GLI3: variants seen among roughly 807,000 people sequenced by gnomAD.
GLI3 encodes GLI family zinc finger 3.
GLI3 carries 20 observed loss-of-function variants against 100.8 expected under a neutral mutation model. The observed-to-expected ratio is 0.20, with a 90% confidence interval of 0.14 to 0.29. The LOEUF (loss-of-function observed/expected upper bound fraction) is 0.29. GLI3 is among the 10% of genes least tolerant of loss of function. The probability of loss-of-function intolerance (pLI) is 1.00; values close to 1 mark genes in which losing one functional copy is unlikely to be tolerated. For missense variants in GLI3, 2,040 were observed against 2,128.5 expected (o/e 0.96, Z 0.82); for synonymous variants, 938 against 860.5 (o/e 1.09, Z -1.58).
At chr7:42,027,257 C>T (rs986040508) in intron 7 of GLI3, among the ~76,000 whole-genome samples, 18 of 152,110 alleles carry the variant, frequency 1.2e-4, no homozygotes, top group African/African-American at 4.3e-4. Flanking sequence ...GAATCAAATC[C>T]TCTTAAAAGA....
intron 7 of GLI3, among the ~76,000 whole-genome samples, chr7:42,037,902 G>A (rs1288175890): frequency 6.6e-6 from 1 of 152,134 alleles, no homozygotes; most frequent in Non-Finnish European, 1.5e-5. Flanking sequence ...GCTGGGGTAG[G>A]AATAAATAAA....
Position 42,226,628 on chromosome 7 carries a change from T to A in GLI3, c.-42-3333A>T, listed in dbSNP as rs138213414. Among the ~76,000 whole-genome samples, 865 of 152,356 alleles carry A rather than the reference T, an allele frequency of 5.7e-3. 7 individuals carry two copies. The highest frequency in any genetic ancestry group is 7.1e-3 in the Non-Finnish European group (484 of 68,032). ...TCTATTTTGACAACTTATTTTTGGA[T>A]CTCATTAGTTAGTACCTAATTATTT... On this transcript the variant is annotated intron_variant, in intron 1 of 14. Coordinates refer to ENST00000395925, the MANE Select transcript of GLI3 (RefSeq NM_000168.6).
intron 4 of GLI3, among the ~76,000 whole-genome samples, chr7:42,061,299 G>T (rs1583521323): frequency 1.3e-5 from 2 of 152,220 alleles, no homozygotes; most frequent in Middle Eastern, 3.4e-3. Context: ...ATCAACAGTA[G>T]TCTCATCTTC....
upstream of GLI3, among the ~76,000 whole-genome samples, chr7:42,237,584 C>G (rs1475838214): frequency 6.6e-6 from 1 of 151,716 alleles, no homozygotes; most frequent in African/African-American, 2.4e-5. Context: ...TCCTCCTCCC[C>G]GCGCTCCTCC....
chr7:42,207,803 G>C (rs112388833), intron 2 of GLI3, among the ~76,000 whole-genome samples: 12 of 152,304 alleles, frequency 7.9e-5, no homozygotes, highest in South Asian at 4.1e-4. Flanking sequence ...TTCCAGGCCA[G>C]CTTCGTGTTT....
chr7:41,965,100 G>A lies in GLI3; in HGVS notation c.3973C>T (p.His1325Tyr). 1 of 1,613,804 alleles carries A rather than the reference G, an allele frequency of 6.2e-7. No homozygotes were observed. The highest frequency in any genetic ancestry group is 8.5e-7 in the Non-Finnish European group (1 of 1,180,030). Reference protein sequence around the residue: ...QDPVGQGYLAHQLLGDSMQHP... With the variant: ...QDPVGQGYLAYQLLGDSMQHP... ...TGCATGCTGTCGCCGAGGAGCTGGT[G>A]AGCCAGGTACCCCTGTCCCACTGGG... Residue 1325 changes from histidine (H) to tyrosine (Y), a missense_variant, in exon 15 of 15, where the codon CAC (histidine) becomes TAC (tyrosine). This residue lies in a region of GLI3 where 1,041 missense variants were observed against 924.0 expected (regional missense o/e 1.13). Transcript: ENST00000395925.
At chr7:42,177,001 C>A (rs1787493065) in intron 2 of GLI3, among the ~76,000 whole-genome samples, 1 of 152,234 alleles carries the variant, frequency 6.6e-6, no homozygotes, top group Non-Finnish European at 1.5e-5. Flanking sequence ...TAAGAAGGGA[C>A]TCTGTTCATT....
intron 2 of GLI3, among the ~76,000 whole-genome samples, chr7:42,161,330 G>C (rs551742433): frequency 1.3e-5 from 2 of 152,304 alleles, no homozygotes; most frequent in East Asian, 3.9e-4. Flanking sequence ...TCATTTTCAT[G>C]TTGTCTACAG....
intron 3 of GLI3, among the ~76,000 whole-genome samples, chr7:42,147,344 G>T (rs1212927631): frequency 6.6e-6 from 1 of 152,146 alleles, no homozygotes; most frequent in Non-Finnish European, 1.5e-5. Flanking sequence ...TGAATGATGT[G>T]GAAAAGGGGA....
intron 2 of GLI3, among the ~76,000 whole-genome samples, chr7:42,219,336 G>A (rs75340976): frequency 0.045 from 6,860 of 151,896 alleles, 195 homozygotes; most frequent in Non-Finnish European, 0.066. Flanking sequence ...GAAACTACGG[G>A]TACACTGTAC....
chr7:42,017,042 C>T (rs916871167), intron 10 of GLI3, among the ~76,000 whole-genome samples: 5 of 152,212 alleles, frequency 3.3e-5, no homozygotes, highest in African/African-American at 1.2e-4. Flanking sequence ...TAGCACCTGC[C>T]AGGGCTCTGC....
At chr7:42,012,512 T>A (rs1356482407) in intron 10 of GLI3, among the ~76,000 whole-genome samples, 1 of 152,198 alleles carries the variant, frequency 6.6e-6, no homozygotes, top group African/African-American at 2.4e-5. Context: ...CAGTAGGACC[T>A]AGACCATTGC....
chr7:42,008,678 A>T (rs1335636215), intron 10 of GLI3, among the ~76,000 whole-genome samples: 2 of 152,216 alleles, frequency 1.3e-5, no homozygotes, highest in Non-Finnish European at 2.9e-5. Flanking sequence ...CCTATACATC[A>T]GTGTATCTTT....
intron 4 of GLI3, among the ~76,000 whole-genome samples, chr7:42,055,770 A>G (rs902518671): frequency 6.6e-6 from 1 of 152,220 alleles, no homozygotes; most frequent in African/African-American, 2.4e-5. Context: ...TAATTGGCAT[A>G]TGCTTTTTAC....
intron 2 of GLI3, among the ~76,000 whole-genome samples, chr7:42,189,571 G>A (rs1787784971): frequency 6.6e-6 from 1 of 152,128 alleles, no homozygotes. Flanking sequence ...AATAAAATAT[G>A]GAAGGTTCAG....
rs748089575 is a variant in GLI3, at chr7:42,023,585, A to G, written c.1380T>C (p.Leu460=). The part of the protein sequence containing the change: ...GQQEQPEGTT[L]VKEEGDKDES... ...CATCTTTGTCCCCTTCCTCCTTGACAAGGGTTGTTCCTTCGGGCTGTTCCT... is the reference window on the plus strand; with the variant it reads ...CATCTTTGTCCCCTTCCTCCTTGACGAGGGTTGTTCCTTCGGGCTGTTCCT... The change falls in exon 10 of 15, where the codon CTT becomes CTC. Residue 460 remains leucine, a synonymous_variant. Coordinates refer to ENST00000395925, the MANE Select transcript of GLI3 (RefSeq NM_000168.6). 21 of 1,574,062 alleles carry G rather than the reference A, an allele frequency of 1.3e-5. No individual in the cohort carries two copies. Among genetic ancestry groups the G allele is most frequent in the Non-Finnish European group, 1.8e-5 (21 of 1,147,258 alleles).
chr7:42,025,470 G>A, intron 8 of GLI3, 93 bp from the exon 9 acceptor site: 2 of 872,406 alleles, frequency 2.3e-6, no homozygotes, highest in Non-Finnish European at 3.9e-6. Flanking sequence ...GGGACAAGCG[G>A]TCTTATTTGG....
intron 11 of GLI3, chr7:41,977,961 G>T: frequency 1.8e-6 from 1 of 556,650 alleles, no homozygotes; most frequent in Non-Finnish European, 3.2e-6. Context: ...TTAATAGACC[G>T]CTCAATGTGG....
rs139480907 is a variant in GLI3, at chr7:42,249,037, G to A, written c.-43+14957C>T. Among the ~76,000 whole-genome samples, 1,332 of 152,254 alleles carry A rather than the reference G, an allele frequency of 8.7e-3. 9 individuals are homozygous for A. The highest frequency in any genetic ancestry group is 0.014 in the Non-Finnish European group (959 of 68,024). ...GGATTGATTACAGGCATGAGCCACT[G>A]CGCCTGGCCTTATCGAAATTTAGGA... On this transcript the variant is annotated intron_variant, in intron 1 of 2. Transcript: ENST00000678978.
Sources: allele counts gnomAD v4.1 joint callset (sites outside exome capture counted in the v4.1 genomes callset), GRCh38; gene constraint gnomAD v4.1.1; regional missense constraint gnomAD v4.1.1; transcripts MANE v1.5; gene names NCBI Gene and HGNC (gene_info 2026-07-23, HGNC 2026-07-21).